Variants in FBXW8 observed in about 807,000 individuals in gnomAD.
FBXW8 encodes F-box/WD repeat-containing protein 8.
FBXW8 carries 57 observed loss-of-function variants against 65.3 expected under a neutral mutation model. The ratio of observed to expected loss-of-function variants is 0.87; its 90% CI spans 0.71 to 1.09. The LOEUF (loss-of-function observed/expected upper bound fraction) is 1.09. Ranked by LOEUF, FBXW8 falls within the 50% of genes least tolerant of loss-of-function variation. The pLI is 0.00. For missense variants in FBXW8, 777 were observed against 814.8 expected, an observed-to-expected ratio of 0.95 and a Z score of 0.57; for synonymous variants, 308 against 330.2, an observed-to-expected ratio of 0.93 and a Z score of 0.73.
At chr12:117,019,946 A>G (rs1489343267) in intron 8 of FBXW8, among the ~76,000 whole-genome samples, 1 of 152,246 alleles carries the variant, frequency 6.6e-6, no homozygotes, top group Non-Finnish European at 1.5e-5. Flanking sequence ...CCTCAAAAGC[A>G]GAGTAGCCTA....
chr12:116,959,985 G>A (rs1883881203), intron 4 of FBXW8, among the ~76,000 whole-genome samples: 1 of 152,164 alleles, frequency 6.6e-6, no homozygotes, highest in East Asian at 1.9e-4. Context: ...TTGCACAGAC[G>A]CTAATTAGAG....
chr12:116,998,312 TC>T (rs1953431913), intron 7 of FBXW8, among the ~76,000 whole-genome samples: 1 of 152,240 alleles, frequency 6.6e-6, no homozygotes, highest in Non-Finnish European at 1.5e-5. Context: ...CTTGCCTAGT[TC>T]CTGTATGCCA....
At chr12:116,949,913 G>A in intron 4 of FBXW8, 1 of 548,896 alleles carries the variant, frequency 1.8e-6, no homozygotes, top group Non-Finnish European at 3.3e-6. Context: ...ATGGTGTAGA[G>A]CGGATCTGTG....
intron 1 of FBXW8, among the ~76,000 whole-genome samples, chr12:116,918,036 G>C (rs1593034656): frequency 6.6e-6 from 1 of 150,902 alleles, no homozygotes; most frequent in East Asian, 1.9e-4. Flanking sequence ...CTCCTCCCAA[G>C]CCTCATGTTT....
At chr12:116,953,547 G>C (rs981326082) in intron 4 of FBXW8, among the ~76,000 whole-genome samples, 2 of 146,656 alleles carry the variant, frequency 1.4e-5, no homozygotes. Context: ...CGAGGCGGGC[G>C]GATCACAAGG....
intron 4 of FBXW8, among the ~76,000 whole-genome samples, chr12:116,954,690 A>G (rs74958803): frequency 6.6e-6 from 1 of 152,316 alleles, no homozygotes; most frequent in East Asian, 1.9e-4. Flanking sequence ...TGTAAGCAGA[A>G]TTACTGGATT....
Position 116,911,019 on chromosome 12 carries a change from A to G in FBXW8, c.-19A>G. 1 of 1,391,222 alleles carries G rather than the reference A, an allele frequency of 7.2e-7. No homozygotes were observed. The highest frequency in any genetic ancestry group is 9.3e-7 in the Non-Finnish European group (1 of 1,078,436). 86.2% of individuals were successfully genotyped at this position (1,391,222 alleles called of 1,614,324 possible). ...CCCGGTGGAACCGAGGAGAACGTGG[A>G]GCGCCGGGAGCGGCGAATATGGACG... On this transcript the variant is annotated 5_prime_UTR_variant, in exon 1 of 11. Transcript: ENST00000652555.
At chr12:116,990,845 T>C (rs1953221943) in intron 7 of FBXW8, among the ~76,000 whole-genome samples, 2 of 152,148 alleles carry the variant, frequency 1.3e-5, no homozygotes, top group Admixed American at 1.3e-4. Context: ...TGAAAAATCC[T>C]TGGTTAAAAA....
chr12:116,956,577 A>G (rs1883662843), intron 4 of FBXW8, among the ~76,000 whole-genome samples: 1 of 152,182 alleles, frequency 6.6e-6, no homozygotes, highest in Non-Finnish European at 1.5e-5. Flanking sequence ...TTATATATGT[A>G]AAAATTGGTG....
chr12:116,967,700 T>A (rs1391913663), intron 5 of FBXW8, among the ~76,000 whole-genome samples: 3 of 152,254 alleles, frequency 2.0e-5, no homozygotes, highest in Non-Finnish European at 4.4e-5. Flanking sequence ...CTTTTCTGGT[T>A]GAAAAGAAAG....
At chr12:116,928,850 G>A (rs576360434) in intron 2 of FBXW8, among the ~76,000 whole-genome samples, 11 of 152,146 alleles carry the variant, frequency 7.2e-5, no homozygotes, top group Non-Finnish European at 1.6e-4. Context: ...TTGCTCTGTC[G>A]CCCAGGCTGG....
chr12:116,929,893 C>T (rs1486513508), intron 2 of FBXW8, among the ~76,000 whole-genome samples: 1 of 152,202 alleles, frequency 6.6e-6, no homozygotes, highest in Admixed American at 6.5e-5. Flanking sequence ...TCTATGAGCT[C>T]AACTTTTTTA....
At chr12:116,978,232 T>C (rs975925363) in intron 5 of FBXW8, 3 of 152,212 alleles carry the variant, frequency 2.0e-5, no homozygotes, top group African/African-American at 7.2e-5. Context: ...AGCTGTTCTT[T>C]ATGACCCTTG....
At chr12:117,011,295 C>T (rs1190751996) in intron 8 of FBXW8, among the ~76,000 whole-genome samples, 2 of 152,054 alleles carry the variant, frequency 1.3e-5, no homozygotes, top group Non-Finnish European at 2.9e-5. Flanking sequence ...GGCGGGTACT[C>T]CTCTGTGCCA....
At chr12:116,988,519 G>A (rs1340012570) in intron 6 of FBXW8, 144 bp from the exon 7 acceptor site, 4 of 718,778 alleles carry the variant, frequency 5.6e-6, no homozygotes, top group Non-Finnish European at 7.4e-6. Flanking sequence ...AGAGCTGTTT[G>A]TGTTTCATTT....
intron 8 of FBXW8, among the ~76,000 whole-genome samples, chr12:117,011,022 G>A (rs886273343): frequency 5.9e-5 from 9 of 151,676 alleles, no homozygotes; most frequent in African/African-American, 1.5e-4. Flanking sequence ...AGCCCCGGGC[G>A]CCCCAGGAAC....
At chr12:116,951,496 GTACTTACCTCGTGTTT>G (rs971377454) in intron 4 of FBXW8, 2 of 152,110 alleles carry the variant, frequency 1.3e-5, no homozygotes, top group Non-Finnish European at 2.9e-5. Context: ...TCTTTCTCTT[GTACTTACCTCGTGTTT>G]CTCTTATTCT....
intron 5 of FBXW8, among the ~76,000 whole-genome samples, chr12:116,976,415 G>A (rs1321469270): frequency 1.5e-5 from 2 of 134,626 alleles, no homozygotes; most frequent in African/African-American, 5.6e-5. Flanking sequence ...ATGATGATGA[G>A]TACCTAATCT....
chr12:116,923,554 C>T (rs1317431167), intron 1 of FBXW8, among the ~76,000 whole-genome samples: 1 of 151,582 alleles, frequency 6.6e-6, no homozygotes, highest in Non-Finnish European at 1.5e-5. Context: ...GAGTCTCGCT[C>T]GCTCTGTCAC....
Sources: allele counts gnomAD v4.1 joint callset (sites outside exome capture counted in the v4.1 genomes callset), GRCh38; gene constraint gnomAD v4.1.1; transcripts MANE v1.5; gene names NCBI Gene and HGNC (gene_info 2026-07-23, HGNC 2026-07-21).